DOP1B: variants seen among roughly 807,000 people sequenced by gnomAD.
The protein encoded by DOP1B is DOP1 leucine zipper like protein B, also known as protein DOP1B.
DOP1B carries 174 observed loss-of-function variants against 233.5 expected under a neutral mutation model. The observed-to-expected ratio is 0.75, with a 90% CI of 0.66 to 0.85. DOP1B has a LOEUF of 0.85. Among genes scored for constraint, DOP1B ranks in the 40% least tolerant of loss-of-function variants. The pLI is 0.00. For synonymous variants in DOP1B, 1,190 were observed against 1,185.6 expected, an observed-to-expected ratio of 1.00 and a Z score of -0.08; for missense variants, 2,652 against 2,846.6, an observed-to-expected ratio of 0.93 and a Z score of 1.56.
At chr21:36,240,031 AG>A in intron 18 of DOP1B, 76 bp downstream of exon 18, 1 of 1,451,018 alleles carries the variant, frequency 6.9e-7, no homozygotes, top group Non-Finnish European at 9.2e-7. Context: ...GATAGCTGAG[AG>A]ACTGAGGCCC....
At position 36,270,552 on chromosome 21, in the gene DOP1B, CAAAAAAAAAAA is replaced by C. The variant is rs398040600; in HGVS notation, c.5632+411_5632+421del. ...CAGGCGACAAAGCAAGACTCCGTCT[CAAAAAAAAAAA>C]AAAAAAAAAAAAAAAGTATTTAGAG... On this transcript the variant is annotated intron_variant, in intron 27 of 36. Coordinates refer to ENST00000691173, the MANE Select transcript of DOP1B (RefSeq NM_001320714.2). Among the ~76,000 whole-genome samples, 31 of 36,828 alleles carry C rather than the reference CAAAAAAAAAAA, an allele frequency of 8.4e-4. 1 individual carries two copies. The East Asian group carries it at 0.021, about 25-fold the overall frequency. The allele number at this position is 36,828 out of a possible 152,430, so 24.2% of individuals were successfully genotyped here.
At chr21:36,208,930 A>G in intron 5 of DOP1B, 26 bp downstream of exon 5, 4 of 1,481,524 alleles carry the variant, frequency 2.7e-6, no homozygotes, top group Non-Finnish European at 3.6e-6. Context: ...CTCACAGGGC[A>G]TGGGGAGGAG....
chr21:36,208,638 A>C (rs1455435197), intron 4 of DOP1B, 77 bp from the exon 5 acceptor site: 2 of 1,451,738 alleles, frequency 1.4e-6, no homozygotes, highest in African/African-American at 2.9e-5. Context: ...TTCTTCATGC[A>C]GCATTCGCAG....
intron 14 of DOP1B, among the ~76,000 whole-genome samples, chr21:36,232,185 G>A (rs2066775147): frequency 6.6e-6 from 1 of 151,820 alleles, no homozygotes; most frequent in South Asian, 2.1e-4. Flanking sequence ...GTTTCACCAT[G>A]TTGGCCAGGC....
rs989499191 is a variant in DOP1B, at chr21:36,227,277, G to C, written c.1474-409G>C. Among the ~76,000 whole-genome samples, 6 of 151,668 alleles carry C rather than the reference G, an allele frequency of 4.0e-5. 1 individual carries two copies. The highest frequency in any genetic ancestry group is 4.2e-4 in the South Asian group (2 of 4,788). ...AGAAAATTAATGTGGGTCAGGCACG[G>C]TGGCTCACGCCTGTAATTCCAGCAC... On this transcript the variant is annotated intron_variant, in intron 12 of 36. Transcript: ENST00000691173.
chr21:36,221,839 G>A (rs994055183), intron 10 of DOP1B, among the ~76,000 whole-genome samples: 25 of 152,190 alleles, frequency 1.6e-4, no homozygotes, highest in East Asian at 7.8e-4. Context: ...GCCTCCCAAA[G>A]CACTGGGATT....
rs938186092 is a variant in DOP1B at position 36,253,433 on chromosome 21, G to A, written c.5122-339G>A. 6.6e-5 allele frequency among the ~76,000 whole-genome samples: 10 copies of A among 152,140 alleles called. No homozygotes were observed. The East Asian group carries it at 1.2e-3, about 18-fold the overall frequency. On this transcript the variant is annotated intron_variant, in intron 22 of 36. Coordinates refer to ENST00000691173, the MANE Select transcript of DOP1B (RefSeq NM_001320714.2). ...TTTGTTTAAGAGATTAAAACAGGCC[G>A]GGCGCGGTGGCGGCTCATGCCTGTA...
chr21:36,201,414 C>T (rs886543293), intron 4 of DOP1B, among the ~76,000 whole-genome samples: 3 of 131,810 alleles, frequency 2.3e-5, no homozygotes, highest in Non-Finnish European at 4.6e-5. Flanking sequence ...GTGGTGCGAT[C>T]TCGGCTCACT....
intron 32 of DOP1B, among the ~76,000 whole-genome samples, chr21:36,285,374 C>G (rs1409842278): frequency 1.3e-5 from 2 of 152,212 alleles, no homozygotes; most frequent in South Asian, 4.1e-4. Context: ...AAAAGAATTT[C>G]TAAATAAATA....
chr21:36,169,416 C>T, intron 2 of DOP1B: 1 of 954,232 alleles, frequency 1.0e-6, no homozygotes, highest in Admixed American at 1.7e-5. Context: ...GGATGCCATG[C>T]CCCAATCCAG....
intron 32 of DOP1B, among the ~76,000 whole-genome samples, chr21:36,286,895 C>T (rs987136166): frequency 5.3e-5 from 8 of 151,448 alleles, no homozygotes; most frequent in African/African-American, 1.7e-4. Flanking sequence ...ACCCGGGAGG[C>T]GGAGGTTGTA....
intron 7 of DOP1B, 143 bp from the exon 8 acceptor site, chr21:36,213,938 T>C (rs73202247): frequency 0.18 from 117,083 of 635,306 alleles, 11,819 homozygotes; most frequent in Non-Finnish European, 0.2. Context: ...GAAGAAAATC[T>C]GACGTGGTCT....
Position 36,278,295 on chromosome 21 carries a change from A to C in DOP1B, c.5909A>C (p.Lys1970Thr). ...GYAYTKRAWR[K>T]EVLELFLDPA... is the part of the protein sequence containing the mutation. ...GCCTACACAAAGCGAGCCTGGAGGAAGGAGGTCCTGGAGCTGTTTCTCGAC... is the reference window on the plus strand; with the variant it reads ...GCCTACACAAAGCGAGCCTGGAGGACGGAGGTCCTGGAGCTGTTTCTCGAC... The change falls in exon 30 of 37, where the codon AAG (lysine) becomes ACG (threonine). Residue 1970 changes from lysine to threonine, a missense_variant. By Grantham distance (78) the Lys-to-Thr change is moderately conservative. This residue lies in a region of DOP1B where 2,617 missense variants were observed against 2,794.3 expected (regional missense o/e 0.94). Transcript: ENST00000691173. The C allele has an allele frequency of 6.2e-7, 1 of 1,614,102 alleles. No individual in the cohort carries two copies. The highest frequency in any genetic ancestry group is 8.5e-7 in the Non-Finnish European group (1 of 1,180,024).
Position 36,247,632 on chromosome 21 carries a change from A to AT in DOP1B, c.4809+4_4809+5insT. 2.6e-6 allele frequency: 4 copies of AT among 1,517,216 alleles called. No homozygotes were observed. Among genetic ancestry groups the AT allele is most frequent in the South Asian group, 1.2e-5 (1 of 84,080 alleles). The allele number at this position is 1,517,216 out of a possible 1,614,324, so 94.0% of individuals were successfully genotyped here. On this transcript the variant is annotated splice_donor_region_variant and intron_variant, in intron 20 of 36. Coordinates refer to ENST00000691173, the MANE Select transcript of DOP1B (RefSeq NM_001320714.2). Reference sequence around the variant, plus strand: ...ACAAGCCAACCAAAACAAAAAGGTAAATTTTTTTTTTTCCTGAGTTCAAGG... The same window carrying AT: ...ACAAGCCAACCAAAACAAAAAGGTAATATTTTTTTTTTTCCTGAGTTCAAGG...
At chr21:36,171,476 G>C (rs984002398) in intron 2 of DOP1B, among the ~76,000 whole-genome samples, 1 of 152,158 alleles carries the variant, frequency 6.6e-6, no homozygotes, top group African/African-American at 2.4e-5. Flanking sequence ...TCGAGCTAGA[G>C]GAGGTCATTA....
At chr21:36,187,090 A>G (rs923665525) in intron 2 of DOP1B, among the ~76,000 whole-genome samples, 3 of 136,718 alleles carry the variant, frequency 2.2e-5, no homozygotes, top group Non-Finnish European at 4.7e-5. Flanking sequence ...GGCTTCAGCA[A>G]TGTCATTCCC....
chr21:36,235,868 G>GT (rs1555893496), intron 15 of DOP1B, among the ~76,000 whole-genome samples: 3 of 147,708 alleles, frequency 2.0e-5, no homozygotes, highest in Non-Finnish European at 4.5e-5. Context: ...GAAGTCGGGG[G>GT]GGGGGCGGTC....
intron 1 of DOP1B, 93 bp from the exon 2 acceptor site, chr21:36,164,615 T>G: frequency 1.0e-6 from 1 of 992,808 alleles, no homozygotes; most frequent in Non-Finnish European, 1.4e-6. Flanking sequence ...CACAGTTGTG[T>G]TTGTGGACAC....
intron 30 of DOP1B, 48 bp from the exon 31 acceptor site, chr21:36,280,237 C>CT: frequency 7.6e-7 from 1 of 1,320,332 alleles, no homozygotes; most frequent in South Asian, 1.2e-5. Context: ...TTGAATCAAA[C>CT]TATCATCCAC....
Sources: allele counts gnomAD v4.1 joint callset (sites outside exome capture counted in the v4.1 genomes callset), GRCh38; gene constraint gnomAD v4.1.1; regional missense constraint gnomAD v4.1.1; transcripts MANE v1.5; gene names NCBI Gene and HGNC (gene_info 2026-07-23, HGNC 2026-07-21).